The following GRIP2 variants were observed in gnomAD, a reference collection of about 807,000 sequenced individuals.
GRIP2 encodes glutamate receptor interacting protein 2.
A neutral mutation model predicts 108.3 loss-of-function variants in GRIP2; 58 were observed. The observed-to-expected ratio is 0.54, with a 90% CI of 0.43 to 0.67. The LOEUF is 0.67. Among genes scored for constraint, GRIP2 ranks in the 30% least tolerant of loss-of-function variants. The probability of loss-of-function intolerance (pLI) is 0.00; values close to 1 mark genes in which losing one functional copy is unlikely to be tolerated. For synonymous variants in GRIP2, 586 were observed against 598.2 expected (o/e 0.98, Z 0.30); for missense variants, 1,278 against 1,430.6 (o/e 0.89, Z 1.72).
At chr3:14,574,985 C>T in the GRIP2 span, among the ~76,000 whole-genome samples, 1 of 152,086 alleles carries the variant, frequency 6.6e-6, no homozygotes, top group East Asian at 1.9e-4. Flanking sequence ...AAGGTGATAA[C>T]ACCATAAAGA....
Position 14,493,324 on chromosome 3 carries a change from C to T in GRIP2, c.*341G>A, listed in dbSNP as rs1257053559. ...AGGAAGTGCTCCCTACATCTTCGAC[C>T]TCTCCAAGGAGGCCCCACAGAGACC... On this transcript the variant is annotated 3_prime_UTR_variant, in exon 24 of 24. Coordinates refer to ENST00000621039, the MANE Select transcript of GRIP2 (RefSeq NM_001080423.4). The T allele has an allele frequency of 3.8e-6, 1 of 260,688 alleles. No homozygotes were observed. The highest frequency in any genetic ancestry group is 2.2e-5 in the African/African-American group (1 of 45,282). The allele number at this position is 260,688 out of a possible 1,614,324, so 16.1% of individuals were successfully genotyped here.
At chr3:14,527,221 G>A (rs1694579891) in intron 1 of GRIP2, among the ~76,000 whole-genome samples, 1 of 151,574 alleles carries the variant, frequency 6.6e-6, no homozygotes, top group Non-Finnish European at 1.5e-5. Flanking sequence ...AGACAGAAGA[G>A]AGAGAGGGGG....
intron 21 of GRIP2, among the ~76,000 whole-genome samples, chr3:14,500,931 C>G (rs1693747873): frequency 6.6e-6 from 1 of 152,100 alleles, no homozygotes; most frequent in African/African-American, 2.4e-5. Flanking sequence ...CTATCTTATT[C>G]AAGAGGAGGA....
Position 14,524,431 on chromosome 3 carries a change from C to T in GRIP2, c.365G>A (p.Arg122His), listed in dbSNP as rs375362110. 5.6e-6 allele frequency: 9 copies of T among 1,607,800 alleles called. No homozygotes were observed. Among genetic ancestry groups the T allele is most frequent in the East Asian group, 4.5e-5 (2 of 44,704 alleles). Reference protein sequence around the residue: ...IITLLKNVGERVVLEVEYELP... With the variant: ...IITLLKNVGEHVVLEVEYELP... ...CTCATACTCCACCTCCAGCACCACG[C>T]GCTCGCCCACATTCTTGAGCAGGGT... The change falls in exon 4 of 24, where the codon CGC becomes CAC. Residue 122 changes from arginine (R) to histidine (H), a missense_variant. Coordinates refer to ENST00000621039, the MANE Select transcript of GRIP2 (RefSeq NM_001080423.4).
intron 22 of GRIP2, among the ~76,000 whole-genome samples, chr3:14,495,367 G>A (rs1693564224): frequency 6.6e-6 from 1 of 152,062 alleles, no homozygotes; most frequent in Admixed American, 6.5e-5. Context: ...ATTGGCTAGG[G>A]GTTGTCCTCC....
rs563173963 is a variant in GRIP2 at position 14,509,873 on chromosome 3, T to G, written c.2025A>C (p.Glu675Asp). 1 of 1,542,186 alleles carries G rather than the reference T, an allele frequency of 6.5e-7. No individual in the cohort carries two copies. Among genetic ancestry groups the G allele is most frequent in the African/African-American group, 1.4e-5 (1 of 72,832 alleles). ...CTGAGATGACAATGGGGTCAAAAGG[T>G]TCCTCCGTGCCCGAAATGGTGATGC... Reference protein sequence around the residue: ...PLGITISGTEEPFDPIVISGL... With the variant: ...PLGITISGTEDPFDPIVISGL... Residue 675 changes from glutamate to aspartate, a missense_variant, in exon 17 of 24, where the codon GAA becomes GAC. By Grantham distance (45) the Glu-to-Asp change is conservative. Coordinates refer to ENST00000621039, the MANE Select transcript of GRIP2 (RefSeq NM_001080423.4).
chr3:14,590,781 G>T, the GRIP2 span, among the ~76,000 whole-genome samples: 1 of 152,254 alleles, frequency 6.6e-6, no homozygotes, highest in Non-Finnish European at 1.5e-5. Context: ...AGGTGATTAA[G>T]TGTATAAAGG....
rs1277318045 is a variant in GRIP2 at position 14,517,084 on chromosome 3, C to G, written c.1286G>C (p.Arg429Thr). 1 of 1,594,686 alleles carries G rather than the reference C, an allele frequency of 6.3e-7. No individual in the cohort carries two copies. The highest frequency in any genetic ancestry group is 1.3e-5 in the African/African-American group (1 of 74,154). The change falls in exon 11 of 24, where the codon AGA (arginine) becomes ACA (threonine). Residue 429 changes from arginine (R) to threonine (T), a missense_variant. Arg to Thr is a moderately conservative substitution (Grantham distance 71). Transcript: ENST00000621039. ...CTTACACGAGCTCTTGTGTTCCCTT[C>G]TTCGCTGCCTCCTCCGCCCCATTGT... ...RTTMGRRRQR[R>T]REHKSSLSLA...
chr3:14,562,842 T>C, the GRIP2 span, among the ~76,000 whole-genome samples: 1 of 152,188 alleles, frequency 6.6e-6, no homozygotes, highest in African/African-American at 2.4e-5. Flanking sequence ...CCCACAGCAT[T>C]CCCTGAGATG....
chr3:14,584,612 C>T, the GRIP2 span, among the ~76,000 whole-genome samples: 4 of 152,174 alleles, frequency 2.6e-5, no homozygotes, highest in African/African-American at 4.8e-5. Flanking sequence ...CCTGGGACCG[C>T]GGACTATGGG....
At chr3:14,499,079 A>T (rs753909324) in intron 21 of GRIP2, among the ~76,000 whole-genome samples, 16 of 152,232 alleles carry the variant, frequency 1.1e-4, no homozygotes, top group Non-Finnish European at 1.8e-4. Flanking sequence ...GGACTTGAAC[A>T]GGCGGGGAGG....
At chr3:14,496,323 C>T (rs1693599162) in intron 22 of GRIP2, 94 bp downstream of exon 22, 1 of 1,106,060 alleles carries the variant, frequency 9.0e-7, no homozygotes. Context: ...AGACTAAAGC[C>T]CTGAGAGGGG....
chr3:14,514,272 G>T lies in GRIP2; in HGVS notation c.1493+20C>A, dbSNP rs769344231. 6.5e-7 allele frequency: 1 copy of T among 1,533,516 alleles called. No homozygotes were observed. The allele number at this position is 1,533,516 out of a possible 1,614,324, so 95.0% of individuals were successfully genotyped here. On this transcript the variant is annotated intron_variant, in intron 12 of 23. Coordinates refer to ENST00000621039, the MANE Select transcript of GRIP2 (RefSeq NM_001080423.4). ...TCTCAGAGAGTGGCAGGCTCAGTAG[G>T]GAGGGGGCAGGAGGCTCACCTCTCA...
chr3:14,568,648 G>A, the GRIP2 span, among the ~76,000 whole-genome samples: 1 of 152,228 alleles, frequency 6.6e-6, no homozygotes, highest in Non-Finnish European at 1.5e-5. Flanking sequence ...CTAGTGCCAG[G>A]ATCAGCTACA....
chr3:14,509,692 G>T (rs769572077), intron 17 of GRIP2, 128 bp downstream of exon 17: 9 of 971,568 alleles, frequency 9.3e-6, no homozygotes, highest in Non-Finnish European at 1.3e-5. Flanking sequence ...GAAGTGACTG[G>T]CCCAATGTCA....
At chr3:14,573,028 G>A in the GRIP2 span, 1 of 1,402,022 alleles carries the variant, frequency 7.1e-7, no homozygotes, top group African/African-American at 1.4e-5. Context: ...TTCCAGTACA[G>A]ATGGAACTTG....
chr3:14,567,022 TTGAA>T, the GRIP2 span, among the ~76,000 whole-genome samples: 4,645 of 151,908 alleles, frequency 0.031, 198 homozygotes, highest in African/African-American at 0.099. Flanking sequence ...AAGGACTCAC[TTGAA>T]TGAATGAATG....
rs974988988 is a variant in GRIP2 at position 14,512,924 on chromosome 3, A to G, written c.1640-67T>C. On this transcript the variant is annotated intron_variant, in intron 13 of 23. Coordinates refer to ENST00000621039, the MANE Select transcript of GRIP2 (RefSeq NM_001080423.4). This position sits in a 1 kb window ranked among gnomAD's most constrained non-coding sequence, Gnocchi z 5.1. ...AGGAGCCTCAGCGAACCCCAGCCCC[A>G]TGCCCATTCTGGCTGTGCTGGGAGT... is the stretch of plus-strand genomic sequence containing the variant. The G allele has an allele frequency of 7.0e-7, 1 of 1,422,444 alleles. No individual in the cohort carries two copies. The highest frequency in any genetic ancestry group is 9.9e-7 in the Non-Finnish European group (1 of 1,006,188). The allele number at this position is 1,422,444 out of a possible 1,614,324, so 88.1% of individuals were successfully genotyped here.
the GRIP2 span, among the ~76,000 whole-genome samples, chr3:14,600,815 G>A: frequency 1.3e-5 from 2 of 152,228 alleles, no homozygotes; most frequent in African/African-American, 2.4e-5. Flanking sequence ...CTCTGATTTA[G>A]TGCGGAGCTC....
Sources: allele counts gnomAD v4.1 joint callset (sites outside exome capture counted in the v4.1 genomes callset), GRCh38; gene constraint gnomAD v4.1.1; non-coding constraint Gnocchi (gnomAD v3.1); transcripts MANE v1.5; gene names NCBI Gene and HGNC (gene_info 2026-07-23, HGNC 2026-07-21).